Variants in USH2A observed in about 807,000 individuals in gnomAD.
USH2A encodes Usher syndrome 2A (autosomal recessive, mild).
In USH2A, 443 loss-of-function variants were observed where a neutral mutation model predicts 538.9. That is an observed-to-expected ratio of 0.82 (90% CI 0.76 to 0.89). USH2A has a LOEUF of 0.89. Ranked by LOEUF, USH2A falls within the 40% of genes least tolerant of loss-of-function variation. USH2A has a pLI of 0.00. For synonymous variants in USH2A, 2,413 were observed against 2,273.5 expected, an observed-to-expected ratio of 1.06 and a Z score of -1.75; for missense variants, 6,633 against 6,324.8, an observed-to-expected ratio of 1.05 and a Z score of -1.65.
chr1:216,325,401 A>G lies in USH2A; in HGVS notation c.1047T>C (p.Asp349=), dbSNP rs775053681. 71 of 1,613,812 alleles carry G rather than the reference A, an allele frequency of 4.4e-5. 1 individual carries two copies. The Admixed American group carries it at 1.1e-3, about 26-fold the overall frequency. Residue 349 remains aspartate (D), a synonymous_variant, in exon 6 of 72, where the codon GAT becomes GAC. Transcript: ENST00000307340. The part of the protein sequence containing the change: ...AHPLSFVNDN[D]VGTSWVSNVF... ...CATTTGAAACCCATGAAGTACCAAC[A>G]TCATTATCATTGACAAAAGAGAGAG...
chr1:215,648,855 G>T, intron 65 of USH2A, 89 bp from the exon 66 acceptor site: 1 of 1,272,720 alleles, frequency 7.9e-7, no homozygotes. Flanking sequence ...TCCTACAAAT[G>T]GAGTACCATG....
chr1:216,382,977 T>C (rs1031657308), intron 3 of USH2A, among the ~76,000 whole-genome samples: 2 of 152,146 alleles, frequency 1.3e-5, no homozygotes, highest in Non-Finnish European at 2.9e-5. Flanking sequence ...AAATATGACC[T>C]GAATATTCAG....
At chr1:216,190,834 A>G (rs1272697766) in intron 19 of USH2A, among the ~76,000 whole-genome samples, 1 of 152,058 alleles carries the variant, frequency 6.6e-6, no homozygotes, top group Non-Finnish European at 1.5e-5. Flanking sequence ...TCTTTATGAA[A>G]AAAAGTCACA....
intron 61 of USH2A, among the ~76,000 whole-genome samples, chr1:215,680,908 A>G (rs1658207044): frequency 6.6e-6 from 1 of 152,172 alleles, no homozygotes; most frequent in African/African-American, 2.4e-5. Context: ...AATTCAATAA[A>G]ACAAATAAAC....
At chr1:216,281,865 G>GTTTTTTTTTTTTTTTTTTTTTTTT (rs766030449) in intron 11 of USH2A, among the ~76,000 whole-genome samples, 2 of 96,474 alleles carry the variant, frequency 2.1e-5, no homozygotes, top group Admixed American at 1.3e-4. Flanking sequence ...GTTTTTGTCT[G>GTTTTTTTTTTTTTTTTTTTTTTTT]TTTTTTTTTT....
intron 44 of USH2A, among the ~76,000 whole-genome samples, chr1:215,865,172 C>T (rs1056255233): frequency 1.3e-5 from 2 of 152,116 alleles, no homozygotes; most frequent in African/African-American, 4.8e-5. Flanking sequence ...CTTAAGATAG[C>T]AAGTTGCCCA....
chr1:215,969,977 A>C (rs1667451416), intron 36 of USH2A, among the ~76,000 whole-genome samples: 1 of 152,202 alleles, frequency 6.6e-6, no homozygotes, highest in Non-Finnish European at 1.5e-5. Flanking sequence ...CTAGTTTATG[A>C]TAATTAAGTG....
At chr1:215,861,729 A>T (rs139630769) in intron 44 of USH2A, among the ~76,000 whole-genome samples, 1 of 152,268 alleles carries the variant, frequency 6.6e-6, no homozygotes, top group Non-Finnish European at 1.5e-5. Flanking sequence ...TCACCTGGCC[A>T]TGACTAATTG....
rs1222582781 is a variant in USH2A at position 216,292,349 on chromosome 1, A to G, written c.1666T>C (p.Tyr556His). 2 of 1,613,886 alleles carry G rather than the reference A, an allele frequency of 1.2e-6. No homozygotes were observed. Among genetic ancestry groups the G allele is most frequent in the Admixed American group, 1.7e-5 (1 of 60,014 alleles). Residue 556 changes from tyrosine to histidine, a missense_variant, in exon 10 of 72, where the codon TAT becomes CAT. Coordinates refer to ENST00000307340, the MANE Select transcript of USH2A (RefSeq NM_206933.4). ...GLHCDRCLPL[Y>H]NDKPFRQGDQ... The stretch of plus-strand genomic sequence containing the variant: ...CCTTGGCGGAAAGGCTTGTCATTAT[A>G]AAGAGGCAAGCAGCGATCACACTAG...
At chr1:215,632,056 G>A (rs1297373486) in intron 70 of USH2A, among the ~76,000 whole-genome samples, 2 of 147,538 alleles carry the variant, frequency 1.4e-5, no homozygotes, top group African/African-American at 2.5e-5. Context: ...TTCTTTTTTT[G>A]TTTTGTTTTG....
intron 3 of USH2A, among the ~76,000 whole-genome samples, chr1:216,411,461 T>A (rs1178737647): frequency 6.6e-6 from 1 of 152,094 alleles, no homozygotes; most frequent in East Asian, 1.9e-4. Context: ...TTAGGAAGAA[T>A]CCTAATCCAG....
At chr1:216,346,759 T>C (rs2038182664) in intron 4 of USH2A, among the ~76,000 whole-genome samples, 1 of 151,574 alleles carries the variant, frequency 6.6e-6, no homozygotes, top group African/African-American at 2.4e-5. Context: ...CTTTAGAAAT[T>C]TCACGCATTC....
intron 23 of USH2A, among the ~76,000 whole-genome samples, chr1:216,088,498 T>C (rs1231539427): frequency 6.6e-6 from 1 of 152,190 alleles, no homozygotes; most frequent in African/African-American, 2.4e-5. Flanking sequence ...TGCATCATTA[T>C]ACAGGTACAG....
intron 22 of USH2A, among the ~76,000 whole-genome samples, chr1:216,095,430 A>T (rs1277729157): frequency 6.6e-6 from 1 of 152,008 alleles, no homozygotes; most frequent in East Asian, 1.9e-4. Context: ...TTTTTTAAAA[A>T]TTTTTTTCAG....
intron 44 of USH2A, among the ~76,000 whole-genome samples, chr1:215,862,479 G>T (rs1045826969): frequency 6.6e-6 from 1 of 151,928 alleles, no homozygotes; most frequent in Non-Finnish European, 1.5e-5. Context: ...CGAGTTAATG[G>T]GTGCAGCACA....
chr1:216,247,848 T>C (rs896286085), intron 12 of USH2A, among the ~76,000 whole-genome samples: 3 of 152,122 alleles, frequency 2.0e-5, no homozygotes, highest in Non-Finnish European at 2.9e-5. Context: ...TTATAATGTG[T>C]ACATATATCA....
intron 21 of USH2A, among the ~76,000 whole-genome samples, chr1:216,154,884 C>T (rs746761440): frequency 2.2e-5 from 3 of 136,586 alleles, no homozygotes; most frequent in East Asian, 2.3e-4. Flanking sequence ...AGGCGCAATG[C>T]GTATGTGTGT....
At chr1:215,953,881 A>G (rs372406718) in intron 37 of USH2A, among the ~76,000 whole-genome samples, 21,139 of 151,192 alleles carry the variant, frequency 0.14, 1,640 homozygotes, top group African/African-American at 0.2. Flanking sequence ...AAAACAAACA[A>G]CCCCATCAAA....
intron 21 of USH2A, among the ~76,000 whole-genome samples, chr1:216,141,149 A>G (rs1218596855): frequency 1.3e-5 from 2 of 152,256 alleles, no homozygotes; most frequent in African/African-American, 4.8e-5. Context: ...GGAAAAAGTA[A>G]GACATGGAGT....
Sources: gnomAD v4.1 joint callset for allele counts (sites outside exome capture counted in the v4.1 genomes callset) on GRCh38, gnomAD v4.1.1 for gene constraint, MANE v1.5 for transcripts, NCBI Gene and HGNC (gene_info 2026-07-23, HGNC 2026-07-21) for gene names.